The following SPECC1 variants were observed in gnomAD, a reference collection of about 807,000 sequenced individuals.
SPECC1 encodes cytospin-B.
SPECC1 carries 62 observed loss-of-function variants against 104.1 expected under a neutral mutation model. The ratio of observed to expected loss-of-function variants is 0.60; its 90% confidence interval spans 0.49 to 0.74. The LOEUF is 0.74. SPECC1 is among the 30% of genes least tolerant of loss of function. The probability of loss-of-function intolerance (pLI) is 0.00; values close to 1 mark genes in which losing one functional copy is unlikely to be tolerated. For synonymous variants in SPECC1, 513 were observed against 501.6 expected, an observed-to-expected ratio of 1.02 and a Z score of -0.30; for missense variants, 1,306 against 1,310.5, an observed-to-expected ratio of 1.00 and a Z score of 0.05.
chr17:20,220,796 A>G (rs1345807420), intron 4 of SPECC1, among the ~76,000 whole-genome samples: 3 of 152,060 alleles, frequency 2.0e-5, no homozygotes, highest in Non-Finnish European at 4.4e-5. Context: ...CTCCATTCAT[A>G]TGATACTAGG....
At chr17:20,178,826 A>G (rs1200224372) in intron 3 of SPECC1, among the ~76,000 whole-genome samples, 2 of 152,264 alleles carry the variant, frequency 1.3e-5, no homozygotes, top group Non-Finnish European at 2.9e-5. Flanking sequence ...GCTGAATAAA[A>G]TGTTAGACTT....
At chr17:20,209,312 T>A (rs1345315897) in intron 4 of SPECC1, among the ~76,000 whole-genome samples, 1 of 152,162 alleles carries the variant, frequency 6.6e-6, no homozygotes, top group African/African-American at 2.4e-5. Context: ...GTGAATATTA[T>A]TAAAAAGGAT....
Position 20,283,812 on chromosome 17 carries a change from C to T in SPECC1, c.2941-13149C>T, listed in dbSNP as rs1457345096. Among the ~76,000 whole-genome samples the T allele has an allele frequency of 2.6e-5, 4 of 152,266 alleles. No homozygotes were observed. The South Asian group carries it at 6.2e-4, about 24-fold the overall frequency. ...CCATGTTTCCCAGACTGTTCTCAAA[C>T]CCCTGGCCTCGAGCGATCCACTTGC... On this transcript the variant is annotated intron_variant, in intron 12 of 14. Transcript: ENST00000395527.
intron 1 of SPECC1, among the ~76,000 whole-genome samples, chr17:20,079,361 G>C (rs953087228): frequency 2.6e-5 from 4 of 152,142 alleles, no homozygotes; most frequent in African/African-American, 9.7e-5. Context: ...GTGCAGTGAT[G>C]AGATTATAGC....
chr17:20,052,501 A>G (rs1237992719), intron 1 of SPECC1, among the ~76,000 whole-genome samples: 2 of 152,208 alleles, frequency 1.3e-5, no homozygotes, highest in African/African-American at 4.8e-5. Context: ...ATTGAGGAAT[A>G]TGACAGACTC....
chr17:20,091,770 C>G (rs1052936908), intron 1 of SPECC1, among the ~76,000 whole-genome samples: 3 of 152,206 alleles, frequency 2.0e-5, no homozygotes, highest in Admixed American at 1.3e-4. Flanking sequence ...CTTCCGCTTC[C>G]CAGTGCTTAT....
intron 1 of SPECC1, among the ~76,000 whole-genome samples, chr17:20,069,956 T>A (rs939942329): frequency 6.6e-6 from 1 of 152,180 alleles, no homozygotes; most frequent in African/African-American, 2.4e-5. Flanking sequence ...TTTTGTAAGA[T>A]CTTGTATTCT....
intron 4 of SPECC1, among the ~76,000 whole-genome samples, chr17:20,206,971 A>C (rs1188179743): frequency 1.3e-5 from 2 of 152,162 alleles, no homozygotes; most frequent in Non-Finnish European, 2.9e-5. Context: ...TCAACACTTT[A>C]ATCAGCCTGT....
chr17:20,209,138 A>G (rs1451816724), intron 4 of SPECC1, among the ~76,000 whole-genome samples: 4 of 152,190 alleles, frequency 2.6e-5, no homozygotes, highest in Admixed American at 6.5e-5. Context: ...TTCCTGGGGT[A>G]AATCCTAATT....
At chr17:20,105,115 G>A (rs2048134546) in intron 2 of SPECC1, among the ~76,000 whole-genome samples, 1 of 151,796 alleles carries the variant, frequency 6.6e-6, no homozygotes, top group Non-Finnish European at 1.5e-5. Flanking sequence ...TGGGGGGGCG[G>A]GAGACAGGGT....
intron 3 of SPECC1, among the ~76,000 whole-genome samples, chr17:20,164,620 T>G (rs1370063036): frequency 6.6e-6 from 1 of 152,200 alleles, no homozygotes; most frequent in African/African-American, 2.4e-5. Context: ...CATATTTGGT[T>G]TGAGCATATT....
intron 4 of SPECC1, among the ~76,000 whole-genome samples, chr17:20,225,158 C>A (rs1361833600): frequency 6.6e-6 from 1 of 152,174 alleles, no homozygotes; most frequent in Non-Finnish European, 1.5e-5. Context: ...GAGCTGGTAT[C>A]CAAGTTGCAA....
chr17:20,136,760 A>G (rs1194420698), intron 3 of SPECC1, among the ~76,000 whole-genome samples: 2 of 152,180 alleles, frequency 1.3e-5, no homozygotes, highest in Non-Finnish European at 2.9e-5. Flanking sequence ...AATCATTCCT[A>G]TCATTCCATA....
At chr17:20,302,554 T>C (rs191760493) in intron 13 of SPECC1, among the ~76,000 whole-genome samples, 78 of 151,894 alleles carry the variant, frequency 5.1e-4, no homozygotes, top group African/African-American at 1.8e-3. Flanking sequence ...AAAGTTACTG[T>C]TGTGAATAAA....
chr17:20,230,774 A>G (rs1265550872), intron 5 of SPECC1, among the ~76,000 whole-genome samples: 2 of 152,240 alleles, frequency 1.3e-5, no homozygotes, highest in Non-Finnish European at 2.9e-5. Context: ...AGGGACACAT[A>G]AATCCAGCCT....
At chr17:20,093,919 CAG>C (rs2047525855) in intron 1 of SPECC1, among the ~76,000 whole-genome samples, 2 of 151,688 alleles carry the variant, frequency 1.3e-5, no homozygotes, top group African/African-American at 4.8e-5. Context: ...TTTAGTGAGA[CAG>C]GGTCTCACCA....
At chr17:20,044,078 A>G (rs1389744332) in intron 1 of SPECC1, among the ~76,000 whole-genome samples, 1 of 152,156 alleles carries the variant, frequency 6.6e-6, no homozygotes, top group Non-Finnish European at 1.5e-5. Flanking sequence ...GCTGTGCATC[A>G]TAGAATCCAA....
At chr17:20,043,203 C>A (rs73984559) in intron 1 of SPECC1, among the ~76,000 whole-genome samples, 16,779 of 151,974 alleles carry the variant, frequency 0.11, 944 homozygotes, top group Non-Finnish European at 0.12. Context: ...CTGTGTAGCT[C>A]CCACATCACA....
chr17:20,203,537 A>G (rs919166503), intron 3 of SPECC1, among the ~76,000 whole-genome samples: 1 of 152,216 alleles, frequency 6.6e-6, no homozygotes, highest in African/African-American at 2.4e-5. Context: ...TTGTTTCTCC[A>G]TGTACACAAA....
Sources: gnomAD v4.1 joint callset for allele counts (sites outside exome capture counted in the v4.1 genomes callset) on GRCh38, gnomAD v4.1.1 for gene constraint, MANE v1.5 for transcripts, NCBI Gene and HGNC (gene_info 2026-07-23, HGNC 2026-07-21) for gene names.